DAB1: variants seen among roughly 807,000 people sequenced by gnomAD.
DAB1 encodes the protein DAB adaptor protein 1, also known as disabled homolog 1.
Under a neutral mutation model 64.6 loss-of-function variants are expected in DAB1, and 15 were observed. The observed-to-expected ratio is 0.23, with a 90% CI of 0.16 to 0.36. The LOEUF is 0.36. Among genes scored for constraint, DAB1 ranks in the 10% least tolerant of loss-of-function variants. The pLI, the probability that DAB1 is intolerant of heterozygous loss-of-function variation, is 1.00. For synonymous variants in DAB1, 235 were observed against 251.9 expected (o/e 0.93, Z 0.64); for missense variants, 596 against 706.7 (o/e 0.84, Z 1.78).
intron 1 of DAB1, among the ~76,000 whole-genome samples, chr1:57,375,120 G>A (rs535602095): frequency 6.6e-6 from 1 of 152,172 alleles, no homozygotes; most frequent in South Asian, 2.1e-4. Context: ...GGAGACAAAG[G>A]AACTCCCATC....
intron 5 of DAB1, among the ~76,000 whole-genome samples, chr1:58,061,210 G>A (rs988164292): frequency 6.6e-6 from 1 of 152,206 alleles, no homozygotes; most frequent in African/African-American, 2.4e-5. Context: ...CCACGGGTGA[G>A]TTCTAGCTTT....
chr1:58,400,014 T>C (rs569358285), intron 3 of DAB1, among the ~76,000 whole-genome samples: 57 of 152,130 alleles, frequency 3.7e-4, no homozygotes, highest in African/African-American at 1.3e-3. Context: ...AATAAATAAA[T>C]AAATAAATTG....
intron 6 of DAB1, among the ~76,000 whole-genome samples, chr1:57,783,518 T>A (rs375387454): frequency 6.6e-6 from 1 of 152,204 alleles, no homozygotes; most frequent in East Asian, 1.9e-4. Flanking sequence ...AGTAGGTATT[T>A]TATTTTTAAA....
chr1:57,561,336 A>C (rs1359201795), intron 7 of DAB1, among the ~76,000 whole-genome samples: 1 of 152,202 alleles, frequency 6.6e-6, no homozygotes, highest in Non-Finnish European at 1.5e-5. Context: ...CCCAGTGGGC[A>C]GAACTTTGAG....
rs78042658 is a variant in DAB1, at chr1:57,177,594, C to T, written c.68-32165G>A. On this transcript the variant is annotated intron_variant, in intron 2 of 14. Transcript: ENST00000371236. ...CTTATTTCACTCAAGAACTCTAAAG[C>T]GCATGGCCATGGAAAAGGACACTAG... Among the ~76,000 whole-genome samples the T allele has an allele frequency of 7.1e-3, 1,079 of 152,202 alleles. 10 individuals carry two copies. The highest frequency in any genetic ancestry group is 0.017 in the Middle Eastern group (5 of 294).
chr1:57,650,816 ACACTG>A (rs1198534698), intron 6 of DAB1, among the ~76,000 whole-genome samples: 4 of 152,088 alleles, frequency 2.6e-5, no homozygotes, highest in South Asian at 4.1e-4. Context: ...TCTGAAGATA[ACACTG>A]CACTGGAATT....
intron 7 of DAB1, among the ~76,000 whole-genome samples, chr1:57,569,024 C>G (rs942351639): frequency 6.6e-6 from 1 of 151,180 alleles, no homozygotes; most frequent in Non-Finnish European, 1.5e-5. Flanking sequence ...TTTGGGAGGC[C>G]GAGGCGGGCG....
intron 7 of DAB1, among the ~76,000 whole-genome samples, chr1:57,070,109 A>T (rs561850318): frequency 6.1e-4 from 93 of 152,344 alleles, no homozygotes; most frequent in African/African-American, 2.2e-3. Flanking sequence ...TGTTTGCCGT[A>T]TACATGAGAT....
At chr1:58,178,734 T>G (rs1656622601) in intron 4 of DAB1, among the ~76,000 whole-genome samples, 1 of 152,214 alleles carries the variant, frequency 6.6e-6, no homozygotes, top group Non-Finnish European at 1.5e-5. Context: ...CTTCTCTGTT[T>G]TTTTGTTTAC....
intron 1 of DAB1, chr1:57,386,511 T>C (rs932849157): frequency 5.9e-5 from 9 of 151,894 alleles, no homozygotes; most frequent in Admixed American, 2.6e-4. Flanking sequence ...ATAGAACCCA[T>C]TGTAGGTTCT....
At chr1:57,238,120 G>A (rs529706910) in intron 2 of DAB1, among the ~76,000 whole-genome samples, 62 of 152,272 alleles carry the variant, frequency 4.1e-4, no homozygotes, top group African/African-American at 1.4e-3. Flanking sequence ...CCTAGACCAC[G>A]AAACCAAGGC....
chr1:57,344,037 T>C (rs538701951), intron 1 of DAB1, among the ~76,000 whole-genome samples: 4 of 152,372 alleles, frequency 2.6e-5, no homozygotes, highest in African/African-American at 9.6e-5. Flanking sequence ...GAGTATATCA[T>C]TTTATCCTCA....
At chr1:57,531,685 C>T (rs779399438) in intron 7 of DAB1, among the ~76,000 whole-genome samples, 21 of 152,238 alleles carry the variant, frequency 1.4e-4, no homozygotes, top group Non-Finnish European at 2.1e-4. Context: ...GGGAGGGCAA[C>T]TGCAGGAAAG....
chr1:57,776,136 G>A (rs1353552546), intron 6 of DAB1, among the ~76,000 whole-genome samples: 2 of 151,624 alleles, frequency 1.3e-5, no homozygotes, highest in African/African-American at 4.8e-5. Flanking sequence ...TAAAGGTTGA[G>A]TATCCCTAAT....
chr1:58,466,198 C>T (rs898742772), intron 3 of DAB1, among the ~76,000 whole-genome samples: 12 of 152,094 alleles, frequency 7.9e-5, no homozygotes, highest in Admixed American at 5.2e-4. Context: ...GGACTCCTCT[C>T]GTGGGCAACC....
At chr1:57,445,408 A>G (rs1302774925) in intron 7 of DAB1, among the ~76,000 whole-genome samples, 1 of 152,150 alleles carries the variant, frequency 6.6e-6, no homozygotes, top group African/African-American at 2.4e-5. Context: ...GTATTTACTT[A>G]TATAGTTCCC....
chr1:58,507,721 T>G (rs1206230615), intron 2 of DAB1, among the ~76,000 whole-genome samples: 1 of 152,112 alleles, frequency 6.6e-6, no homozygotes. Flanking sequence ...GTATGTAACA[T>G]ATGTATCTAT....
chr1:57,653,552 T>C (rs182776033), intron 6 of DAB1, among the ~76,000 whole-genome samples: 4 of 152,300 alleles, frequency 2.6e-5, no homozygotes, highest in Admixed American at 2.6e-4. Flanking sequence ...TGGGTACCTA[T>C]GTGTGAGATT....
At chr1:58,334,598 TATTAC>T (rs1316918289) in intron 4 of DAB1, among the ~76,000 whole-genome samples, 3 of 125,766 alleles carry the variant, frequency 2.4e-5, no homozygotes, top group African/African-American at 8.9e-5. Flanking sequence ...TCTTATATTA[TATTAC>T]ATTATATTAT....
Sources: gnomAD v4.1 joint callset for allele counts (sites outside exome capture counted in the v4.1 genomes callset) on GRCh38, gnomAD v4.1.1 for gene constraint, MANE v1.5 for transcripts, NCBI Gene and HGNC (gene_info 2026-07-23, HGNC 2026-07-21) for gene names.